Variants in ARID4A observed in about 807,000 individuals in gnomAD.
The protein encoded by ARID4A is AT-rich interaction domain 4A, also known as AT-rich interactive domain-containing protein 4A.
In ARID4A, 39 loss-of-function variants were observed where a neutral mutation model predicts 148.6. That is an observed-to-expected ratio of 0.26 (90% CI 0.20 to 0.34). The LOEUF (loss-of-function observed/expected upper bound fraction) is 0.34, where lower values mean the gene tolerates loss of function less well. Ranked by LOEUF, ARID4A falls within the 10% of genes least tolerant of loss-of-function variation. ARID4A has a pLI of 1.00. For missense variants in ARID4A, 1,265 were observed against 1,449.1 expected (o/e 0.87, Z 2.06); for synonymous variants, 475 against 481.2 (o/e 0.99, Z 0.17).
At chr14:58,322,630 A>G (rs1310592329) in intron 7 of ARID4A, among the ~76,000 whole-genome samples, 1 of 152,140 alleles carries the variant, frequency 6.6e-6, no homozygotes, top group Non-Finnish European at 1.5e-5. Context: ...ATACTTTAAT[A>G]AACTCCAACA....
chr14:58,302,438 G>A (rs1470973517), intron 3 of ARID4A, among the ~76,000 whole-genome samples: 1 of 152,094 alleles, frequency 6.6e-6, no homozygotes, highest in East Asian at 1.9e-4. Flanking sequence ...AGGTTGCAGT[G>A]AGCCAAGATC....
intron 5 of ARID4A, among the ~76,000 whole-genome samples, chr14:58,314,357 A>G (rs58732436): frequency 0.014 from 2,131 of 152,320 alleles, 47 homozygotes; most frequent in African/African-American, 0.049. Context: ...TTTCTTTTAG[A>G]TGGAGCTTCT....
At chr14:58,353,468 C>T (rs1446547783) in intron 16 of ARID4A, 190 bp from the exon 17 acceptor site, 1 of 552,706 alleles carries the variant, frequency 1.8e-6, no homozygotes, top group Non-Finnish European at 3.2e-6. Flanking sequence ...TACAGTGCAC[C>T]TTTACATAAT....
chr14:58,330,262 T>G, intron 11 of ARID4A, 93 bp downstream of exon 11: 2 of 1,484,256 alleles, frequency 1.3e-6, no homozygotes, highest in Non-Finnish European at 1.8e-6. Context: ...TTAGATTCTC[T>G]ATTATTTGTT....
chr14:58,362,043 A>G (rs1272731490), intron 19 of ARID4A, among the ~76,000 whole-genome samples: 1 of 152,152 alleles, frequency 6.6e-6, no homozygotes, highest in Non-Finnish European at 1.5e-5. Flanking sequence ...AATATATTTT[A>G]ATAGAAGGTG....
intron 11 of ARID4A, among the ~76,000 whole-genome samples, chr14:58,337,246 T>TTATTTATATATATATATATATATATA (rs1555361741): frequency 6.0e-5 from 5 of 83,816 alleles, no homozygotes; most frequent in Admixed American, 1.4e-4. Flanking sequence ...TTCTCTTTAT[T>TTATTTATATATATATATATATATATA]TATATATATA....
At chr14:58,351,698 A>G (rs1434605091) in intron 16 of ARID4A, 1 of 176,160 alleles carries the variant, frequency 5.7e-6, no homozygotes, top group Non-Finnish European at 1.2e-5. Flanking sequence ...GAAAGCTAAC[A>G]AACACATGGG....
At chr14:58,354,921 C>T (rs996375223) in intron 17 of ARID4A, among the ~76,000 whole-genome samples, 1 of 152,120 alleles carries the variant, frequency 6.6e-6, no homozygotes, top group Non-Finnish European at 1.5e-5. Flanking sequence ...TGTTCAGACA[C>T]GATTAGGACA....
Position 58,318,590 on chromosome 14 carries a change from T to G in ARID4A, c.323T>G (p.Leu108Arg), listed in dbSNP as rs1011353836. 6.2e-7 allele frequency: 1 copy of G among 1,614,202 alleles called. No homozygotes were observed. The highest frequency in any genetic ancestry group is 1.3e-5 in the African/African-American group (1 of 75,070). The change falls in exon 6 of 24, where the codon CTG becomes CGG. Residue 108 changes from leucine (L) to arginine (R), a missense_variant. This residue lies in a region of ARID4A where 21 missense variants were observed against 36.5 expected (regional missense o/e 0.58). Transcript: ENST00000355431. Reference protein sequence around the residue: ...ERTLRRTSLCLKGERHFAESE... With the variant: ...ERTLRRTSLCRKGERHFAESE... ...ACATTGAGACGTACCTCACTTTGTC[T>G]GAAAGGAGAGAGACATTTTGCAGAG...
In ARID4A at chr14:58,360,979, T is replaced by C. The variant is rs770595795; in HGVS notation, c.2017T>C (p.Ser673Pro). 2.5e-6 allele frequency: 4 copies of C among 1,614,078 alleles called. No individual in the cohort carries two copies. Among genetic ancestry groups the C allele is most frequent in the South Asian group, 1.1e-5 (1 of 91,084 alleles). Residue 673 changes from serine (S) to proline (P), a missense_variant, in exon 19 of 24, where the codon TCA becomes CCA. Coordinates refer to ENST00000355431, the MANE Select transcript of ARID4A (RefSeq NM_002892.4). Reference sequence around the variant, plus strand: ...AAAACGGGGACGACCTCCTTTAAAATCAACCCTCTCATCAAACATGCCGTA... The same window carrying C: ...AAAACGGGGACGACCTCCTTTAAAACCAACCCTCTCATCAAACATGCCGTA... Reference protein sequence around the residue: ...KSKRGRPPLKSTLSSNMPYGL... With the variant: ...KSKRGRPPLKPTLSSNMPYGL...
At chr14:58,336,730 T>G (rs2033834669) in intron 11 of ARID4A, among the ~76,000 whole-genome samples, 1 of 152,238 alleles carries the variant, frequency 6.6e-6, no homozygotes, top group South Asian at 2.1e-4. Flanking sequence ...TAAGACTGTT[T>G]GTTTAGTCCT....
chr14:58,338,090 C>G (rs2033921291), intron 11 of ARID4A, among the ~76,000 whole-genome samples: 1 of 152,064 alleles, frequency 6.6e-6, no homozygotes, highest in African/African-American at 2.4e-5. Context: ...TTGCCCATTC[C>G]CTTTGTTAGT....
intron 11 of ARID4A, among the ~76,000 whole-genome samples, chr14:58,344,356 G>T (rs1303628269): frequency 6.6e-6 from 1 of 151,952 alleles, no homozygotes; most frequent in Non-Finnish European, 1.5e-5. Flanking sequence ...GTATATTTGT[G>T]TGGGCCACAT....
intron 7 of ARID4A, among the ~76,000 whole-genome samples, chr14:58,320,935 A>AG (rs1409781941): frequency 6.6e-6 from 1 of 152,204 alleles, no homozygotes; most frequent in Non-Finnish European, 1.5e-5. Context: ...GAAGAATACA[A>AG]GACAATAGTC....
chr14:58,304,205 C>G (rs936007920), intron 3 of ARID4A, among the ~76,000 whole-genome samples: 1 of 152,074 alleles, frequency 6.6e-6, no homozygotes, highest in Non-Finnish European at 1.5e-5. Context: ...AATTGACATT[C>G]ATTTCTTTTT....
chr14:58,321,218 A>G (rs747221226), intron 7 of ARID4A, among the ~76,000 whole-genome samples: 3 of 152,190 alleles, frequency 2.0e-5, no homozygotes, highest in Admixed American at 6.5e-5. Flanking sequence ...TCAAACTTTG[A>G]TTCACAAATT....
At chr14:58,304,179 A>G (rs1232996057) in intron 3 of ARID4A, among the ~76,000 whole-genome samples, 1 of 152,164 alleles carries the variant, frequency 6.6e-6, no homozygotes, top group Non-Finnish European at 1.5e-5. Context: ...ACCTTCAAGT[A>G]TTAGGATAGG....
Position 58,306,108 on chromosome 14 carries a change from C to T in ARID4A, c.270C>T (p.Thr90=), listed in dbSNP as rs772489797. ...AGTTGACAGATGCTAGTTGGTATAC[C>T]GTGGGTAAGTAATTAAGTAATTTAA... ...ISKLTDASWY[T]VVFDDGDERT... The change falls in exon 5 of 24, where the codon ACC becomes ACT. Residue 90 remains threonine (T), a synonymous_variant. Coordinates refer to ENST00000355431, the MANE Select transcript of ARID4A (RefSeq NM_002892.4). 2.6e-5 allele frequency: 42 copies of T among 1,609,088 alleles called. No homozygotes were observed. The highest frequency in any genetic ancestry group is 2.5e-4 in the Admixed American group (15 of 59,868).
intron 11 of ARID4A, among the ~76,000 whole-genome samples, chr14:58,334,223 T>A (rs796116518): frequency 1.3e-5 from 2 of 152,192 alleles, no homozygotes; most frequent in African/African-American, 4.8e-5. Context: ...TGTGGTCATA[T>A]GATATAGTTG....
Sources: gnomAD v4.1 joint callset for allele counts (sites outside exome capture counted in the v4.1 genomes callset) on GRCh38, gnomAD v4.1.1 for gene constraint, gnomAD v4.1.1 regional missense constraint, MANE v1.5 for transcripts, NCBI Gene and HGNC (gene_info 2026-07-23, HGNC 2026-07-21) for gene names.